SCHIP1: variants seen among roughly 807,000 people sequenced by gnomAD.
The protein encoded by SCHIP1 is schwannomin-interacting protein 1.
Under a neutral mutation model 29.7 loss-of-function variants are expected in SCHIP1, and 8 were observed. That is an observed-to-expected ratio of 0.27 (90% CI 0.16 to 0.49). The LOEUF is 0.49. SCHIP1 is among the 20% of genes least tolerant of loss of function. The pLI is 0.99. For synonymous variants in SCHIP1, 76 were observed against 94.9 expected, an observed-to-expected ratio of 0.80 and a Z score of 1.16; for missense variants, 193 against 294.6, an observed-to-expected ratio of 0.66 and a Z score of 2.52.
At chr3:159,885,289 T>C (rs1716851030) in intron 2 of SCHIP1, among the ~76,000 whole-genome samples, 1 of 152,200 alleles carries the variant, frequency 6.6e-6, no homozygotes, top group Non-Finnish European at 1.5e-5. Flanking sequence ...TTTCTTTCCC[T>C]AAGCTTACAC....
At chr3:159,490,774 G>A in the SCHIP1 span, among the ~76,000 whole-genome samples, 2 of 152,174 alleles carry the variant, frequency 1.3e-5, no homozygotes, top group Non-Finnish European at 2.9e-5. Flanking sequence ...AGGGTGGAGT[G>A]AGAGGAATTA....
the SCHIP1 span, among the ~76,000 whole-genome samples, chr3:159,767,272 G>T: frequency 2.0e-5 from 3 of 152,164 alleles, no homozygotes; most frequent in South Asian, 6.2e-4. Context: ...ATGTATGATA[G>T]TGTATTGCAG....
the SCHIP1 span, among the ~76,000 whole-genome samples, chr3:159,694,126 G>T: frequency 6.6e-6 from 1 of 152,132 alleles, no homozygotes; most frequent in Non-Finnish European, 1.5e-5. Flanking sequence ...TAACATTTAA[G>T]CTTGGAATAA....
At chr3:159,315,397 T>C in the SCHIP1 span, among the ~76,000 whole-genome samples, 147 of 146,898 alleles carry the variant, frequency 1.0e-3, no homozygotes, top group Middle Eastern at 3.5e-3. Flanking sequence ...TTCTTTCTTT[T>C]TTTTTTTTTT....
At chr3:159,500,636 C>T in the SCHIP1 span, among the ~76,000 whole-genome samples, 1 of 151,820 alleles carries the variant, frequency 6.6e-6, no homozygotes, top group South Asian at 2.1e-4. Context: ...ATGGCGTGAA[C>T]CTGGGAGGCA....
At chr3:159,884,477 G>A (rs1408584201) in intron 2 of SCHIP1, among the ~76,000 whole-genome samples, 2 of 151,918 alleles carry the variant, frequency 1.3e-5, no homozygotes, top group African/African-American at 4.8e-5. Flanking sequence ...AATAGACCAT[G>A]TGTTGTCTCA....
chr3:159,300,084 C>G, the SCHIP1 span, among the ~76,000 whole-genome samples: 4 of 133,566 alleles, frequency 3.0e-5, no homozygotes, highest in South Asian at 2.5e-4. Context: ...TCAATTTAAT[C>G]TCAATATTCT....
At chr3:159,534,326 G>A in the SCHIP1 span, among the ~76,000 whole-genome samples, 1 of 152,094 alleles carries the variant, frequency 6.6e-6, no homozygotes, top group African/African-American at 2.4e-5. Flanking sequence ...AAGTAGACTG[G>A]GTGAAGGCTG....
chr3:159,351,695 T>G, the SCHIP1 span, among the ~76,000 whole-genome samples: 1 of 152,184 alleles, frequency 6.6e-6, no homozygotes, highest in Non-Finnish European at 1.5e-5. Context: ...TGTTTTAATA[T>G]TTCTCATTGG....
chr3:159,741,421 G>A, the SCHIP1 span, among the ~76,000 whole-genome samples: 163 of 152,266 alleles, frequency 1.1e-3, no homozygotes, highest in Non-Finnish European at 1.9e-3. Flanking sequence ...AAATACTAGA[G>A]TTTTACCTAG....
the SCHIP1 span, among the ~76,000 whole-genome samples, chr3:159,556,609 T>A: frequency 6.6e-6 from 1 of 151,840 alleles, no homozygotes; most frequent in Non-Finnish European, 1.5e-5. Context: ...TGAGTTCATG[T>A]CCTTTGTAGG....
the SCHIP1 span, among the ~76,000 whole-genome samples, chr3:159,668,921 T>A: frequency 3.9e-5 from 6 of 152,130 alleles, no homozygotes; most frequent in East Asian, 1.9e-4. Context: ...AAAAAAAAAA[T>A]TATGAGACAG....
chr3:159,479,019 T>G, the SCHIP1 span, among the ~76,000 whole-genome samples: 8 of 152,280 alleles, frequency 5.3e-5, no homozygotes, highest in South Asian at 1.7e-3. Flanking sequence ...ACCATTTTAC[T>G]TCTTCCTTTC....
the SCHIP1 span, among the ~76,000 whole-genome samples, chr3:159,583,518 G>A: frequency 2.0e-5 from 3 of 152,122 alleles, no homozygotes; most frequent in African/African-American, 7.2e-5. Context: ...TAACTGAAAT[G>A]GATAGTGTAT....
chr3:159,370,847 A>C, the SCHIP1 span, among the ~76,000 whole-genome samples: 40 of 152,048 alleles, frequency 2.6e-4, no homozygotes, highest in Non-Finnish European at 4.7e-4. Flanking sequence ...TCAGAATCAG[A>C]CTGGGGGTTA....
the SCHIP1 span, among the ~76,000 whole-genome samples, chr3:159,834,089 G>T: frequency 0.081 from 12,272 of 152,122 alleles, 1,587 homozygotes; most frequent in African/African-American, 0.28. Context: ...TCCTGAGTAC[G>T]TAAGAGCTGT....
the SCHIP1 span, among the ~76,000 whole-genome samples, chr3:159,727,526 C>A: frequency 6.6e-6 from 1 of 152,084 alleles, no homozygotes; most frequent in Non-Finnish European, 1.5e-5. Flanking sequence ...AAATGAAGCC[C>A]CAAATATCAA....
the SCHIP1 span, among the ~76,000 whole-genome samples, chr3:159,294,872 G>A: frequency 6.6e-6 from 1 of 152,096 alleles, no homozygotes; most frequent in Admixed American, 6.6e-5. Flanking sequence ...TTTCAGACCT[G>A]TGTCTGACTG....
At chr3:159,361,778 A>C in the SCHIP1 span, among the ~76,000 whole-genome samples, 8 of 152,304 alleles carry the variant, frequency 5.3e-5, no homozygotes, top group East Asian at 3.9e-4. Context: ...ATTCTCCAAG[A>C]GTTTGGGTGT....
Sources: allele counts gnomAD v4.1 joint callset (sites outside exome capture counted in the v4.1 genomes callset), GRCh38; gene constraint gnomAD v4.1.1; transcripts MANE v1.5; gene names NCBI Gene and HGNC (gene_info 2026-07-23, HGNC 2026-07-21).